Variants in MATCAP2 observed in about 807,000 individuals in gnomAD.
MATCAP2 encodes putative tyrosine carboxypeptidase MATCAP2.
the MATCAP2 span, chr7:36,366,648 C>A: frequency 6.6e-7 from 1 of 1,523,640 alleles, no homozygotes; most frequent in South Asian, 1.2e-5. Context: ...TTTGTAAGAC[C>A]AGCAACCGGT....
chr7:36,351,297 G>A, the MATCAP2 span, among the ~76,000 whole-genome samples: 6 of 152,204 alleles, frequency 3.9e-5, no homozygotes, highest in Non-Finnish European at 8.8e-5. Flanking sequence ...TCGGGAGGCT[G>A]AGGCAGGAGA....
chr7:36,345,017 C>T, the MATCAP2 span, among the ~76,000 whole-genome samples: 7 of 152,140 alleles, frequency 4.6e-5, no homozygotes, highest in South Asian at 4.1e-4. Flanking sequence ...CCTCCTAGTC[C>T]GCATGAATCT....
the MATCAP2 span, among the ~76,000 whole-genome samples, chr7:36,335,656 C>T: frequency 1.3e-5 from 2 of 152,142 alleles, no homozygotes; most frequent in Non-Finnish European, 2.9e-5. Context: ...GTAAGAAAAA[C>T]AAAAAGACAC....
chr7:36,335,088 C>T, the MATCAP2 span: 6 of 1,613,830 alleles, frequency 3.7e-6, no homozygotes, highest in African/African-American at 8.0e-5. Context: ...TGCTCACGTG[C>T]AGTGGACACA....
chr7:36,362,179 CAT>C, the MATCAP2 span, among the ~76,000 whole-genome samples: 4 of 152,280 alleles, frequency 2.6e-5, no homozygotes, highest in East Asian at 1.9e-4. Context: ...TCCTTAAAAA[CAT>C]ATTTATTGCT....
At chr7:36,358,099 G>T in the MATCAP2 span, among the ~76,000 whole-genome samples, 771 of 152,094 alleles carry the variant, frequency 5.1e-3, 8 homozygotes, top group African/African-American at 0.018. Context: ...TCAGGAGGCT[G>T]AGGCATGAGA....
At chr7:36,368,725 C>T in the MATCAP2 span, among the ~76,000 whole-genome samples, 1 of 152,212 alleles carries the variant, frequency 6.6e-6, no homozygotes, top group African/African-American at 2.4e-5. Flanking sequence ...CCTCCTGTCA[C>T]CTCTTTGATC....
At chr7:36,334,042 T>C in the MATCAP2 span, 1 of 1,614,188 alleles carries the variant, frequency 6.2e-7, no homozygotes, top group South Asian at 1.1e-5. Flanking sequence ...AACAGAACAC[T>C]GTGAATGCTT....
At chr7:36,348,004 C>G in the MATCAP2 span, among the ~76,000 whole-genome samples, 33 of 152,074 alleles carry the variant, frequency 2.2e-4, no homozygotes, top group Admixed American at 2.2e-3. Flanking sequence ...ACAAAAGACT[C>G]CTCTAAGCTT....
At chr7:36,366,724 A>G in the MATCAP2 span, 24 of 1,535,224 alleles carry the variant, frequency 1.6e-5, no homozygotes, top group Non-Finnish European at 1.9e-5. Flanking sequence ...TGACGAAAGG[A>G]TAAGGGGCCG....
At chr7:36,340,887 T>C in the MATCAP2 span, among the ~76,000 whole-genome samples, 2 of 152,198 alleles carry the variant, frequency 1.3e-5, no homozygotes, top group Admixed American at 6.5e-5. Context: ...AGGCCAGATA[T>C]TTTGAGTCTA....
At chr7:36,335,774 A>AT in the MATCAP2 span, among the ~76,000 whole-genome samples, 2 of 137,000 alleles carry the variant, frequency 1.5e-5, no homozygotes, top group East Asian at 4.4e-4. Flanking sequence ...AATCTACAGA[A>AT]AAGAACTACG....
chr7:36,367,047 G>A, the MATCAP2 span: 4 of 1,275,490 alleles, frequency 3.1e-6, no homozygotes, highest in East Asian at 6.5e-5. Context: ...GCGGGGGCGC[G>A]GCGGGAGGCG....
the MATCAP2 span, among the ~76,000 whole-genome samples, chr7:36,361,335 G>A: frequency 6.6e-6 from 1 of 152,312 alleles, no homozygotes; most frequent in South Asian, 2.1e-4. Flanking sequence ...AGTAGGTGAG[G>A]TTTCATAGTA....
chr7:36,366,701 T>TA, the MATCAP2 span: 11 of 1,535,008 alleles, frequency 7.2e-6, no homozygotes, highest in East Asian at 2.7e-4. Context: ...AGCAGGTACT[T>TA]ACTGATAATA....
chr7:36,330,380 T>C, the MATCAP2 span, among the ~76,000 whole-genome samples: 2 of 152,054 alleles, frequency 1.3e-5, no homozygotes, highest in Non-Finnish European at 2.9e-5. Flanking sequence ...TTTGCGGGCG[T>C]GAGCCACCCT....
At chr7:36,386,797 G>A in the MATCAP2 span, among the ~76,000 whole-genome samples, 1 of 152,292 alleles carries the variant, frequency 6.6e-6, no homozygotes, top group South Asian at 2.1e-4. Context: ...ATATTGGGGA[G>A]GAACTAGAGC....
chr7:36,354,549 T>C, the MATCAP2 span, among the ~76,000 whole-genome samples: 1 of 152,190 alleles, frequency 6.6e-6, no homozygotes. Context: ...TCCTGGCCCC[T>C]TTGGGTATCA....
At chr7:36,379,078 G>A in the MATCAP2 span, among the ~76,000 whole-genome samples, 2 of 152,268 alleles carry the variant, frequency 1.3e-5, no homozygotes, top group Admixed American at 6.5e-5. Context: ...GCCCTGCCCT[G>A]CTTCGGCTTG....
Sources: allele counts gnomAD v4.1 joint callset (sites outside exome capture counted in the v4.1 genomes callset), GRCh38; gene constraint gnomAD v4.1.1; transcripts MANE v1.5; gene names NCBI Gene and HGNC (gene_info 2026-07-23, HGNC 2026-07-21).